STK32B: variants seen among roughly 807,000 people sequenced by gnomAD.
STK32B encodes the protein serine/threonine-protein kinase 32B.
In STK32B, 43 loss-of-function variants were observed where a neutral mutation model predicts 52.6. The observed-to-expected ratio is 0.82, with a 90% confidence interval of 0.64 to 1.05. STK32B has a LOEUF of 1.05. STK32B is among the 50% of genes least tolerant of loss of function. The pLI, the probability that STK32B is intolerant of heterozygous loss-of-function variation, is 0.00. For synonymous variants in STK32B, 238 were observed against 204.3 expected (o/e 1.17, Z -1.41); for missense variants, 621 against 534.6 (o/e 1.16, Z -1.59).
chr4:5,438,355 C>T (rs952004291), intron 6 of STK32B, among the ~76,000 whole-genome samples: 1 of 152,200 alleles, frequency 6.6e-6, no homozygotes, highest in African/African-American at 2.4e-5. Context: ...ATTCACTCAT[C>T]CGATGCTTAA....
intron 11 of STK32B, among the ~76,000 whole-genome samples, chr4:5,477,201 C>G (rs922362480): frequency 6.6e-6 from 1 of 152,090 alleles, no homozygotes; most frequent in African/African-American, 2.4e-5. Context: ...TTAAGCATGG[C>G]TATTATTATC....
intron 6 of STK32B, among the ~76,000 whole-genome samples, chr4:5,439,623 C>G (rs1212376867): frequency 6.6e-6 from 1 of 151,944 alleles, no homozygotes; most frequent in Non-Finnish European, 1.5e-5. Flanking sequence ...TCCCATTTGT[C>G]AATTTTGGCT....
chr4:5,305,302 T>C (rs1729853496), intron 3 of STK32B, among the ~76,000 whole-genome samples: 1 of 152,130 alleles, frequency 6.6e-6, no homozygotes, highest in South Asian at 2.1e-4. Flanking sequence ...AGAAATCAGC[T>C]GTGAATTCAT....
rs569875538 is a variant in STK32B, at chr4:5,390,595, T to C, written c.435-7612T>C. Among the ~76,000 whole-genome samples the C allele has an allele frequency of 7.9e-5, 12 of 152,272 alleles. No individual in the cohort carries two copies. In the South Asian group the frequency reaches 2.3e-3, roughly 29 times the overall value. On this transcript the variant is annotated intron_variant, in intron 4 of 11. Coordinates refer to ENST00000282908, the MANE Select transcript of STK32B (RefSeq NM_018401.3). ...TCTCTGTCTTCAGGTGGCCTTCTCC[T>C]CTGTGTGTACCTGGTCTCCTGGCAG...
intron 11 of STK32B, among the ~76,000 whole-genome samples, chr4:5,484,961 G>A (rs1222928336): frequency 6.6e-6 from 1 of 152,230 alleles, no homozygotes; most frequent in Admixed American, 6.5e-5. Context: ...GCGATCAGCT[G>A]TTAGTCTGAT....
At chr4:5,328,213 T>A (rs1427516749) in intron 3 of STK32B, among the ~76,000 whole-genome samples, 2 of 152,246 alleles carry the variant, frequency 1.3e-5, no homozygotes, top group Non-Finnish European at 2.9e-5. Context: ...CTATCAGCAA[T>A]AAGGCTGTTT....
intron 1 of STK32B, among the ~76,000 whole-genome samples, chr4:5,065,492 C>T (rs1037787162): frequency 2.6e-5 from 4 of 152,134 alleles, no homozygotes; most frequent in Admixed American, 6.5e-5. Flanking sequence ...GCCCCCTGGA[C>T]ACCATCCCGC....
chr4:5,182,679 G>A (rs1440072833), intron 3 of STK32B, among the ~76,000 whole-genome samples: 2 of 151,996 alleles, frequency 1.3e-5, no homozygotes, highest in African/African-American at 2.4e-5. Context: ...GGCTGGTCTC[G>A]AACTCCTGAC....
the STK32B span, among the ~76,000 whole-genome samples, chr4:5,034,818 T>G: frequency 4.6e-5 from 7 of 152,312 alleles, no homozygotes; most frequent in East Asian, 1.3e-3. Context: ...CAGACACTGG[T>G]TCAAAATGAA....
At chr4:5,333,711 C>T (rs62300011) in intron 4 of STK32B, among the ~76,000 whole-genome samples, 3,749 of 152,242 alleles carry the variant, frequency 0.025, 239 homozygotes, top group Admixed American at 0.15. Flanking sequence ...CCAGTTTTCC[C>T]AGCACCATTT....
chr4:5,468,104 C>G (rs753763207), intron 11 of STK32B, 34 bp downstream of exon 11: 1 of 1,609,774 alleles, frequency 6.2e-7, no homozygotes, highest in Non-Finnish European at 8.5e-7. Context: ...TTGGGCAAAG[C>G]CTGTCCTAAG....
intron 6 of STK32B, chr4:5,437,961 C>T (rs966390935): frequency 2.0e-6 from 2 of 985,402 alleles, no homozygotes; most frequent in Admixed American, 1.2e-4. Flanking sequence ...GGGAATGTCA[C>T]CTTCTCTAGG....
At chr4:5,455,831 A>G (rs371546351) in intron 7 of STK32B, among the ~76,000 whole-genome samples, 36 of 152,258 alleles carry the variant, frequency 2.4e-4, no homozygotes, top group African/African-American at 6.5e-4. Context: ...GACAGACAGC[A>G]CTAATTTTAC....
At chr4:5,443,080 G>T (rs1714956349) in intron 6 of STK32B, among the ~76,000 whole-genome samples, 1 of 150,412 alleles carries the variant, frequency 6.6e-6, no homozygotes, top group Non-Finnish European at 1.5e-5. Context: ...ACAATTATGT[G>T]TCTTGGAGTT....
chr4:5,046,593 A>G (rs1741621908), upstream of STK32B, among the ~76,000 whole-genome samples: 1 of 152,242 alleles, frequency 6.6e-6, no homozygotes, highest in South Asian at 2.1e-4. Flanking sequence ...TACCCATCTG[A>G]TAAAAGTCTA....
At chr4:5,466,246 G>C (rs1717424147) in intron 9 of STK32B, among the ~76,000 whole-genome samples, 1 of 152,212 alleles carries the variant, frequency 6.6e-6, no homozygotes, top group Admixed American at 6.5e-5. Context: ...AGCTGCCAGG[G>C]GGCGGGAGGC....
chr4:5,309,384 A>T (rs1275059475), intron 3 of STK32B, among the ~76,000 whole-genome samples: 1 of 150,528 alleles, frequency 6.6e-6, no homozygotes, highest in Admixed American at 6.6e-5. Flanking sequence ...AGAAAAAAAA[A>T]ATCCTGAAAT....
intron 1 of STK32B, among the ~76,000 whole-genome samples, chr4:5,069,842 G>A (rs1199868186): frequency 6.6e-6 from 1 of 152,144 alleles, no homozygotes; most frequent in Non-Finnish European, 1.5e-5. Context: ...TTCTGTGTGT[G>A]GGCTATGTTA....
intron 3 of STK32B, among the ~76,000 whole-genome samples, chr4:5,285,529 A>G (rs1728492400): frequency 6.6e-6 from 1 of 152,212 alleles, no homozygotes; most frequent in Admixed American, 6.5e-5. Context: ...GTACAAATTG[A>G]CTGCACAGCA....
Sources: gnomAD v4.1 joint callset for allele counts (sites outside exome capture counted in the v4.1 genomes callset) on GRCh38, gnomAD v4.1.1 for gene constraint, MANE v1.5 for transcripts, NCBI Gene and HGNC (gene_info 2026-07-23, HGNC 2026-07-21) for gene names.